RNF20: variants seen among roughly 807,000 people sequenced by gnomAD.
RNF20 encodes the protein E3 ubiquitin-protein ligase BRE1A.
Under a neutral mutation model 126.2 loss-of-function variants are expected in RNF20, and 84 were observed. That is an observed-to-expected ratio of 0.67 (90% CI 0.56 to 0.80). The LOEUF (loss-of-function observed/expected upper bound fraction) is 0.80. Among genes scored for constraint, RNF20 ranks in the 30% least tolerant of loss-of-function variants. The probability of loss-of-function intolerance (pLI) is 0.00; values close to 1 mark genes in which losing one functional copy is unlikely to be tolerated. For synonymous variants in RNF20, 400 were observed against 414.3 expected, an observed-to-expected ratio of 0.97 and a Z score of 0.42; for missense variants, 869 against 1,188.2, an observed-to-expected ratio of 0.73 and a Z score of 3.95.
At chr9:101,558,287 A>T (rs1827569203) in intron 16 of RNF20, among the ~76,000 whole-genome samples, 1 of 152,082 alleles carries the variant, frequency 6.6e-6, no homozygotes, top group Admixed American at 6.5e-5. Context: ...TTGGTTTTCC[A>T]TTCCTGAGTT....
intron 9 of RNF20, among the ~76,000 whole-genome samples, chr9:101,547,981 G>T (rs1827379198): frequency 6.6e-6 from 1 of 152,100 alleles, no homozygotes; most frequent in African/African-American, 2.4e-5. Context: ...GCAGGCTACA[G>T]AATCAACATA....
intron 10 of RNF20, among the ~76,000 whole-genome samples, chr9:101,551,032 C>T (rs914516679): frequency 1.3e-5 from 2 of 152,168 alleles, no homozygotes; most frequent in African/African-American, 2.4e-5. Context: ...ACAATGGCAG[C>T]ATAGCCAAAA....
At chr9:101,539,961 G>C (rs758701556) in intron 2 of RNF20, among the ~76,000 whole-genome samples, 1 of 152,012 alleles carries the variant, frequency 6.6e-6, no homozygotes, top group Non-Finnish European at 1.5e-5. Flanking sequence ...ATGTTTATGT[G>C]ACTAGAACAG....
intron 17 of RNF20, 24 bp from the exon 18 acceptor site, chr9:101,561,066 C>CA (rs1827620645): frequency 1.9e-6 from 3 of 1,611,076 alleles, no homozygotes; most frequent in Non-Finnish European, 2.5e-6. Flanking sequence ...ACAATGGTGT[C>CA]ACTTATTTGT....
At chr9:101,547,075 AC>A in intron 7 of RNF20, 61 bp from the exon 8 acceptor site, 1 of 1,601,958 alleles carries the variant, frequency 6.2e-7, no homozygotes, top group South Asian at 1.1e-5. Context: ...CTTTGAAGGT[AC>A]ATTGGTTATA....
chr9:101,562,535 T>C lies in RNF20; in HGVS notation c.*113T>C. ...CCTGTAGGACAGTTTATCAGTCAAC[T>C]ACCTTTCCTCCAGACTTTACTTCCA... is the stretch of plus-strand genomic sequence containing the variant. On this transcript the variant is annotated 3_prime_UTR_variant, in exon 20 of 20. Transcript: ENST00000389120. 1.0e-6 allele frequency: 1 copy of C among 993,186 alleles called. No individual in the cohort carries two copies. The allele number at this position is 993,186 out of a possible 1,614,324, so 61.5% of individuals were successfully genotyped here.
rs1827463211 is a variant in RNF20 at position 101,552,458 on chromosome 9, C to T, written c.1606C>T (p.Leu536=). 6.2e-7 allele frequency: 1 copy of T among 1,613,410 alleles called. No homozygotes were observed. The highest frequency in any genetic ancestry group is 8.5e-7 in the Non-Finnish European group (1 of 1,179,480). The change falls in exon 13 of 20, where the codon CTA becomes TTA. Residue 536 remains leucine (L), a synonymous_variant. Transcript: ENST00000389120. ...GGACCCGAAGGATGAGCCTGCGGAG[C>T]TAAAACCAGATTCTGAGGACTTATC... ...TEDPKDEPAE[L]KPDSEDLSSQ...
rs1038006605 is a variant in RNF20 at position 101,554,736 on chromosome 9, G to C, written c.2062G>C (p.Glu688Gln). 9.9e-6 allele frequency: 16 copies of C among 1,609,594 alleles called. No individual in the cohort carries two copies. Among genetic ancestry groups the C allele is most frequent in the Non-Finnish European group, 1.3e-5 (15 of 1,177,142 alleles). The change falls in exon 15 of 20, where the codon GAG becomes CAG. Residue 688 changes from glutamate (E) to glutamine (Q), a missense_variant. By Grantham distance (29) the Glu-to-Gln change is conservative. Transcript: ENST00000389120. The stretch of plus-strand genomic sequence containing the variant: ...AAGACTCAAGGATCTGGAAGATAAA[G>C]AGAAGAAAGAGAACAAGAAAATGGC... ...RQRLKDLEDK[E>Q]KKENKKMADE...
intron 2 of RNF20, among the ~76,000 whole-genome samples, chr9:101,539,468 T>C (rs187283066): frequency 1.2e-4 from 18 of 152,116 alleles, no homozygotes; most frequent in Non-Finnish European, 2.4e-4. Context: ...GATTAAGATA[T>C]GGAAGGTAGC....
intron 1 of RNF20, among the ~76,000 whole-genome samples, chr9:101,534,909 C>CTTTT (rs200245240): frequency 7.2e-6 from 1 of 139,818 alleles, no homozygotes; most frequent in Non-Finnish European, 1.6e-5. Context: ...CCTTGACTTT[C>CTTTT]TTTTTTTTTT....
chr9:101,547,566 C>T, intron 9 of RNF20, 48 bp downstream of exon 9: 3 of 1,608,426 alleles, frequency 1.9e-6, no homozygotes, highest in Non-Finnish European at 2.6e-6. Flanking sequence ...TTCTGCTGAT[C>T]AACTCACGTA....
intron 2 of RNF20, 95 bp downstream of exon 2, chr9:101,535,647 C>G: frequency 1.5e-6 from 2 of 1,368,872 alleles, no homozygotes; most frequent in Middle Eastern, 1.9e-4. Flanking sequence ...TATGGGGAAG[C>G]TATTTGAAAA....
rs182099704 is a variant in RNF20 at position 101,544,912 on chromosome 9, T to C, written c.747+27T>C. The stretch of plus-strand genomic sequence containing the variant: ...TACTTAACCAAAAAGGAGAGATGGC[T>C]GTGTCTAGTGGGCTGTGGCAGATGT... On this transcript the variant is annotated intron_variant, in intron 6 of 19. Coordinates refer to ENST00000389120, the MANE Select transcript of RNF20 (RefSeq NM_019592.7). 231 of 1,356,460 alleles carry C rather than the reference T, an allele frequency of 1.7e-4. No homozygotes were observed. The African/African-American group carries it at 2.9e-3, about 17-fold the overall frequency. The allele number at this position is 1,356,460 out of a possible 1,614,324, so 84.0% of individuals were successfully genotyped here. A position where few individuals can be genotyped will look rare whatever the true frequency, so the allele number is the denominator to read the frequency against.
At chr9:101,545,141 G>A (rs1827327913) in intron 6 of RNF20, among the ~76,000 whole-genome samples, 1 of 152,180 alleles carries the variant, frequency 6.6e-6, no homozygotes, top group South Asian at 2.1e-4. Context: ...TATTGATGAT[G>A]TCCTAGGAAT....
chr9:101,552,016 G>A, intron 11 of RNF20, 125 bp from the exon 12 acceptor site: 1 of 1,391,262 alleles, frequency 7.2e-7, no homozygotes, highest in Non-Finnish European at 9.9e-7. Context: ...CATCTTCTGA[G>A]AAGGAATCTT....
At chr9:101,548,860 G>A (rs1217685264) in intron 9 of RNF20, among the ~76,000 whole-genome samples, 3 of 152,164 alleles carry the variant, frequency 2.0e-5, no homozygotes, top group Non-Finnish European at 4.4e-5. Context: ...ATGTTTGCAG[G>A]GGGCATATAT....
chr9:101,538,709 T>G (rs766026514), intron 2 of RNF20, among the ~76,000 whole-genome samples: 15 of 152,318 alleles, frequency 9.8e-5, no homozygotes, highest in Middle Eastern at 3.4e-3. Context: ...GGGAAAACTG[T>G]TGACTACTTT....
intron 18 of RNF20, 53 bp from the exon 19 acceptor site, chr9:101,561,857 A>C: frequency 8.0e-7 from 1 of 1,249,736 alleles, no homozygotes; most frequent in African/African-American, 1.5e-5. Context: ...TATTTTTCTC[A>C]AAAATGATAG....
intron 15 of RNF20, among the ~76,000 whole-genome samples, chr9:101,556,629 T>C (rs1405244591): frequency 6.6e-6 from 1 of 152,164 alleles, no homozygotes; most frequent in Non-Finnish European, 1.5e-5. Context: ...AGTGGAGACC[T>C]TTCTATGAAT....
Sources: gnomAD v4.1 joint callset for allele counts (sites outside exome capture counted in the v4.1 genomes callset) on GRCh38, gnomAD v4.1.1 for gene constraint, MANE v1.5 for transcripts, NCBI Gene and HGNC (gene_info 2026-07-23, HGNC 2026-07-21) for gene names.